Variants in NSD1 observed in about 807,000 individuals in gnomAD.
NSD1 encodes the protein nuclear receptor binding SET domain protein 1.
NSD1 carries 26 observed loss-of-function variants against 242.7 expected under a neutral mutation model. That is an observed-to-expected ratio of 0.11 (90% CI 0.08 to 0.15). The LOEUF (loss-of-function observed/expected upper bound fraction) is 0.15. Ranked by LOEUF, NSD1 falls within the 10% of genes least tolerant of loss-of-function variation. The probability of loss-of-function intolerance (pLI) is 1.00; values close to 1 mark genes in which losing one functional copy is unlikely to be tolerated. For synonymous variants in NSD1, 1,106 were observed against 1,178.1 expected (o/e 0.94, Z 1.25); for missense variants, 2,495 against 3,272.8 (o/e 0.76, Z 5.80).
chr5:177,171,842 T>C (rs1025347485), intron 2 of NSD1, among the ~76,000 whole-genome samples: 14 of 152,262 alleles, frequency 9.2e-5, no homozygotes, highest in African/African-American at 3.4e-4. Flanking sequence ...CACATTGTAT[T>C]ATCCATTTGT....
chr5:177,216,399 A>G (rs1312045264), intron 5 of NSD1, among the ~76,000 whole-genome samples: 9 of 151,936 alleles, frequency 5.9e-5, no homozygotes, highest in Non-Finnish European at 1.2e-4. Flanking sequence ...ATAGCCAGGA[A>G]ATTCTTGTTC....
chr5:177,257,129 A>G lies in NSD1; in HGVS notation c.4944A>G (p.Pro1648=). The change falls in exon 13 of 23, where the codon CCA becomes CCG. Residue 1648 remains proline (P), a synonymous_variant. Transcript: ENST00000439151. The part of the protein sequence containing the change: ...HICITCHAAN[P]ANVSASKGRL... The stretch of plus-strand genomic sequence containing the variant: ...GTATAACCTGTCATGCTGCTAATCC[A>G]GCCAATGTTTCTGCATCTAAAGGTA... 2.5e-6 allele frequency: 4 copies of G among 1,613,970 alleles called. No individual in the cohort carries two copies. In the Middle Eastern group the frequency reaches 5.0e-4, roughly 200 times the overall value.
chr5:177,235,203 CTT>C (rs1223057362), intron 5 of NSD1, among the ~76,000 whole-genome samples: 1 of 152,136 alleles, frequency 6.6e-6, no homozygotes, highest in Non-Finnish European at 1.5e-5. Flanking sequence ...GATAATGACA[CTT>C]TTGCTTTCTT....
At position 177,134,746 on chromosome 5, in the gene NSD1, C is replaced by T. The variant is rs1756165943; in HGVS notation, c.-17-341C>T. ...TTTTGAGAGATCCAGCTGCTCGACC[C>T]CTGGCGAGGGAGGGGGAGGACTAGT... On this transcript the variant is annotated intron_variant, in intron 1 of 22. Coordinates refer to ENST00000439151, the MANE Select transcript of NSD1 (RefSeq NM_022455.5). The surrounding 1 kb of genome is among the most constrained non-coding windows in gnomAD (Gnocchi z 4.2). 6.6e-6 allele frequency among the ~76,000 whole-genome samples: 1 copy of T among 152,186 alleles called. No homozygotes were observed. Among genetic ancestry groups the T allele is most frequent in the Admixed American group, 6.5e-5 (1 of 15,276 alleles).
intron 12 of NSD1, among the ~76,000 whole-genome samples, chr5:177,254,777 T>G (rs1234694144): frequency 2.3e-5 from 2 of 87,844 alleles, no homozygotes; most frequent in Non-Finnish European, 4.7e-5. Flanking sequence ...CACTATTAGG[T>G]CTGTGATGTG....
chr5:177,270,366 G>A (rs771173557), intron 16 of NSD1, among the ~76,000 whole-genome samples: 1 of 152,260 alleles, frequency 6.6e-6, no homozygotes, highest in South Asian at 2.1e-4. Flanking sequence ...AATCAACTTC[G>A]AACCCGGTTT....
At chr5:177,194,641 G>T (rs1581261702) in intron 3 of NSD1, among the ~76,000 whole-genome samples, 1 of 93,724 alleles carries the variant, frequency 1.1e-5, no homozygotes, top group African/African-American at 4.2e-5. Context: ...TCCTGGATTT[G>T]ATTTTATATT....
At chr5:177,147,006 C>CAAA (rs61004413) in intron 2 of NSD1, among the ~76,000 whole-genome samples, 2 of 136,216 alleles carry the variant, frequency 1.5e-5, no homozygotes, top group African/African-American at 2.7e-5. Flanking sequence ...GTCTCTGTCT[C>CAAA]AAAAAAAAAA....
intron 5 of NSD1, among the ~76,000 whole-genome samples, chr5:177,234,730 TG>T (rs1342585644): frequency 2.0e-5 from 3 of 151,920 alleles, no homozygotes; most frequent in Non-Finnish European, 4.4e-5. Context: ...AATAAAGAAA[TG>T]AATAAAATGA....
chr5:177,267,619 A>G lies in NSD1; in HGVS notation c.5204A>G (p.Asn1735Ser), dbSNP rs746925986. ...GCTGCTTTTCATCGTGAATGCCTGAACATTGATATCCCTGAAGGAAACTGG... is the reference window on the plus strand; with the variant it reads ...GCTGCTTTTCATCGTGAATGCCTGAGCATTGATATCCCTGAAGGAAACTGG... ...CPAAFHRECL[N>S]IDIPEGNWYC... The change falls in exon 15 of 23, where the codon AAC (asparagine) becomes AGC (serine). Residue 1735 changes from asparagine to serine, a missense_variant. Around this residue, in one of 19 missense-constraint regions of NSD1, gnomAD observed 31 missense variants for 120.2 expected, o/e 0.26. Transcript: ENST00000439151. 3 of 1,614,076 alleles carry G rather than the reference A, an allele frequency of 1.9e-6. No individual in the cohort carries two copies. In the Admixed American group the frequency reaches 5.0e-5, roughly 27 times the overall value.
At chr5:177,276,336 T>TC (rs1160902239) in intron 17 of NSD1, among the ~76,000 whole-genome samples, 2 of 151,464 alleles carry the variant, frequency 1.3e-5, no homozygotes, top group East Asian at 1.9e-4. Context: ...TTTTTTTTTT[T>TC]CCCCCTGAGA....
intron 2 of NSD1, among the ~76,000 whole-genome samples, chr5:177,171,547 A>T (rs73345894): frequency 0.064 from 9,670 of 152,202 alleles, 1,026 homozygotes; most frequent in African/African-American, 0.22. Context: ...TTGTATGGAT[A>T]TTTCACATTT....
rs200193622 is a variant in NSD1, at chr5:177,135,393, T to A, written c.290T>A (p.Phe97Tyr). Residue 97 changes from phenylalanine (F) to tyrosine (Y), a missense_variant, in exon 2 of 23, where the codon TTT becomes TAT. Phe to Tyr is a conservative substitution (Grantham distance 22). Transcript: ENST00000439151. ...GGGTCTGCTGATGGATCAGAATCCT[T>A]TCAAGACCCTGAAAAAAGTGATTCA... ...LNGSADGSESFQDPEKSDSRA... is the reference protein window; with the variant it reads ...LNGSADGSESYQDPEKSDSRA... 9.3e-6 allele frequency: 15 copies of A among 1,613,494 alleles called. No individual in the cohort carries two copies. Among genetic ancestry groups the A allele is most frequent in the Admixed American group, 1.7e-5 (1 of 59,900 alleles).
At chr5:177,224,814 G>T (rs1053135717) in intron 5 of NSD1, among the ~76,000 whole-genome samples, 1 of 151,800 alleles carries the variant, frequency 6.6e-6, no homozygotes, top group African/African-American at 2.4e-5. Flanking sequence ...GATGTCAGCT[G>T]TGGTTTTGTT....
In NSD1 at chr5:177,300,200, TAAC is replaced by T. The variant is rs1368012855; in HGVS notation, c.*4742_*4744del. 4.5e-6 allele frequency: 1 copy of T among 222,726 alleles called. No homozygotes were observed. Among genetic ancestry groups the T allele is most frequent in the Non-Finnish European group, 9.0e-6 (1 of 111,384 alleles). The allele number at this position is 222,726 out of a possible 1,614,324, so 13.8% of individuals were successfully genotyped here. On this transcript the variant is annotated 3_prime_UTR_variant, in exon 23 of 23. Transcript: ENST00000439151. ...AAAAAATTTACTGTAAAGTAAAGTT[TAAC>T]TTTACTCATATATGGCCCTTGCCCT...
Position 177,298,220 on chromosome 5 carries a change from TGAAAAG to T in NSD1, c.*2766_*2771del, listed in dbSNP as rs914786629. On this transcript the variant is annotated 3_prime_UTR_variant, in exon 23 of 23. Coordinates refer to ENST00000439151, the MANE Select transcript of NSD1 (RefSeq NM_022455.5). ...TTTTCCAAAGGGATGTGAATTGGAG[TGAAAAG>T]GAAATCTTTCATCTTAGAAAACTTC... 2 of 232,714 alleles carry T rather than the reference TGAAAAG, an allele frequency of 8.6e-6. No homozygotes were observed. Among genetic ancestry groups the T allele is most frequent in the African/African-American group, 4.4e-5 (2 of 45,168 alleles). The allele number at this position is 232,714 out of a possible 1,614,324, so 14.4% of individuals were successfully genotyped here. A position where few individuals can be genotyped will look rare whatever the true frequency, so the allele number is the denominator to read the frequency against.
intron 5 of NSD1, among the ~76,000 whole-genome samples, chr5:177,234,063 A>G (rs1252565491): frequency 1.3e-5 from 2 of 152,338 alleles, no homozygotes; most frequent in East Asian, 3.9e-4. Flanking sequence ...TGTGACCTTC[A>G]GCTGTGTTCA....
At chr5:177,224,270 C>T (rs1370854301) in intron 5 of NSD1, among the ~76,000 whole-genome samples, 1 of 152,072 alleles carries the variant, frequency 6.6e-6, no homozygotes, top group African/African-American at 2.4e-5. Flanking sequence ...GCCATCTTAG[C>T]AATATTAAGT....
chr5:177,244,365 C>T (rs1263403595), intron 9 of NSD1, 95 bp downstream of exon 9: 1 of 869,106 alleles, frequency 1.2e-6, no homozygotes, highest in Non-Finnish European at 1.9e-6. Context: ...GTAAGCCCGA[C>T]CAGTGAGGTA....
Sources: allele counts gnomAD v4.1 joint callset (sites outside exome capture counted in the v4.1 genomes callset), GRCh38; gene constraint gnomAD v4.1.1; regional missense constraint gnomAD v4.1.1; non-coding constraint Gnocchi (gnomAD v3.1); transcripts MANE v1.5; gene names NCBI Gene and HGNC (gene_info 2026-07-23, HGNC 2026-07-21).